SPECC1: variants seen among roughly 807,000 people sequenced by gnomAD.
SPECC1 encodes the protein sperm antigen with calponin homology and coiled-coil domains 1, also known as cytospin-B.
SPECC1 carries 62 observed loss-of-function variants against 104.1 expected under a neutral mutation model. That is an observed-to-expected ratio of 0.60 (90% CI 0.49 to 0.74). The LOEUF is 0.74. Among genes scored for constraint, SPECC1 ranks in the 30% least tolerant of loss-of-function variants. SPECC1 has a pLI of 0.00. For synonymous variants in SPECC1, 513 were observed against 501.6 expected, an observed-to-expected ratio of 1.02 and a Z score of -0.30; for missense variants, 1,306 against 1,310.5, an observed-to-expected ratio of 1.00 and a Z score of 0.05.
At chr17:20,051,068 T>TTTTCTTTCTTTCTTTCTTTCTTTC (rs71157856) in intron 1 of SPECC1, among the ~76,000 whole-genome samples, 1 of 90,696 alleles carries the variant, frequency 1.1e-5, no homozygotes, top group Non-Finnish European at 2.3e-5. Flanking sequence ...CTTTCTTTCT[T>TTTTCTTTCTTTCTTTCTTTCTTTC]TTTCTTTCTT....
At chr17:20,235,090 G>A (rs971919296) in intron 7 of SPECC1, among the ~76,000 whole-genome samples, 2 of 152,240 alleles carry the variant, frequency 1.3e-5, no homozygotes, top group Non-Finnish European at 2.9e-5. Context: ...GGTGGGAAGA[G>A]GGGGTCGTTT....
chr17:20,119,344 T>C (rs2152534386), intron 3 of SPECC1, among the ~76,000 whole-genome samples: 1 of 152,376 alleles, frequency 6.6e-6, no homozygotes, highest in South Asian at 2.1e-4. Flanking sequence ...GTGATTCTCC[T>C]GCCTCAGCCT....
intron 3 of SPECC1, among the ~76,000 whole-genome samples, chr17:20,152,262 T>G (rs2032074960): frequency 6.6e-6 from 1 of 152,172 alleles, no homozygotes; most frequent in African/African-American, 2.4e-5. Flanking sequence ...ATCACGCTAT[T>G]GCACTCCAGC....
rs758268054 is a variant in SPECC1 at position 20,314,604 on chromosome 17, C to T, written c.*539C>T. On this transcript the variant is annotated 3_prime_UTR_variant, in exon 15 of 15. Transcript: ENST00000395527. Reference sequence around the variant, plus strand: ...GCAGTGAGCTATGAGCATACCACTGCACTCCAGCCTGTGTGAAAGAGCCAG... The same window carrying T: ...GCAGTGAGCTATGAGCATACCACTGTACTCCAGCCTGTGTGAAAGAGCCAG... The T allele has an allele frequency of 2.1e-5, 5 of 234,640 alleles. No homozygotes were observed. Among genetic ancestry groups the T allele is most frequent in the African/African-American group, 4.4e-5 (2 of 45,282 alleles). The allele number at this position is 234,640 out of a possible 1,614,324, so 14.5% of individuals were successfully genotyped here. A position where few individuals can be genotyped will look rare whatever the true frequency, so the allele number is the denominator to read the frequency against.
At chr17:20,222,377 G>GTC (rs2037936974) in intron 4 of SPECC1, among the ~76,000 whole-genome samples, 1 of 152,180 alleles carries the variant, frequency 6.6e-6, no homozygotes, top group African/African-American at 2.4e-5. Context: ...CTAACATGTG[G>GTC]TCTCTCCTTG....
Position 20,226,394 on chromosome 17 carries a change from C to T in SPECC1, c.1864-1019C>T, listed in dbSNP as rs140435943. On this transcript the variant is annotated intron_variant, in intron 4 of 14. Transcript: ENST00000395527. ...CAGAATAATACAGATACAGTATAAT[C>T]CACTGCAAAAGCACAATATAGTGTA... 3.3e-3 allele frequency among the ~76,000 whole-genome samples: 509 copies of T among 152,160 alleles called. 3 individuals carry two copies. Among genetic ancestry groups the T allele is most frequent in the African/African-American group, 0.012 (483 of 41,506 alleles).
In SPECC1 at chr17:20,204,644, A is replaced by G. The variant is rs776199836; in HGVS notation, c.595A>G (p.Thr199Ala). Residue 199 changes from threonine to alanine, a missense_variant, in exon 4 of 15, where the codon ACT (threonine) becomes GCT (alanine). By Grantham distance (58) the Thr-to-Ala change is moderately conservative. Coordinates refer to ENST00000395527, the MANE Select transcript of SPECC1 (RefSeq NM_001243439.2). ...ACTAAAGAAATACAAAGAGAAAAGG[A>G]CTCTGAACGCTGAGGGGACTGATGC... ...SELKKYKEKR[T>A]LNAEGTDALG... 1.9e-5 allele frequency: 31 copies of G among 1,613,976 alleles called. No homozygotes were observed. The South Asian group carries it at 3.2e-4, about 17-fold the overall frequency.
intron 1 of SPECC1, among the ~76,000 whole-genome samples, chr17:20,034,379 G>A (rs1464857154): frequency 6.6e-6 from 1 of 152,034 alleles, no homozygotes; most frequent in African/African-American, 2.4e-5. Flanking sequence ...TTACAGGTGT[G>A]AGCCACTGCG....
chr17:20,264,265 G>A (rs1160107231), intron 12 of SPECC1, among the ~76,000 whole-genome samples: 1 of 151,506 alleles, frequency 6.6e-6, no homozygotes, highest in African/African-American at 2.4e-5. Flanking sequence ...ATAGATTCAG[G>A]GGGTGAGTGG....
At chr17:20,282,635 A>G (rs1330209523) in intron 12 of SPECC1, among the ~76,000 whole-genome samples, 1 of 152,120 alleles carries the variant, frequency 6.6e-6, no homozygotes, top group African/African-American at 2.4e-5. Flanking sequence ...CTGACTGGAA[A>G]GGTGCAATGA....
intron 12 of SPECC1, among the ~76,000 whole-genome samples, chr17:20,271,246 T>C (rs1044155568): frequency 6.6e-6 from 1 of 152,180 alleles, no homozygotes; most frequent in African/African-American, 2.4e-5. Context: ...TCTACGTTGC[T>C]GACTAGCACG....
At chr17:20,286,761 C>T (rs375252163) in intron 12 of SPECC1, among the ~76,000 whole-genome samples, 21 of 152,348 alleles carry the variant, frequency 1.4e-4, no homozygotes, top group African/African-American at 4.1e-4. Context: ...GATCTTAACC[C>T]ACCTACCTGG....
At chr17:20,110,034 C>G (rs1349293288) in intron 2 of SPECC1, among the ~76,000 whole-genome samples, 1 of 152,112 alleles carries the variant, frequency 6.6e-6, no homozygotes, top group African/African-American at 2.4e-5. Flanking sequence ...GAGACAGAGT[C>G]TCACTGTTGC....
chr17:20,198,054 A>C (rs2036153328), intron 3 of SPECC1, among the ~76,000 whole-genome samples: 1 of 152,228 alleles, frequency 6.6e-6, no homozygotes, highest in Admixed American at 6.5e-5. Context: ...GAGTGGCACT[A>C]GTGATCTGGC....
intron 3 of SPECC1, among the ~76,000 whole-genome samples, chr17:20,142,954 C>T (rs552561195): frequency 5.6e-4 from 85 of 150,550 alleles, no homozygotes; most frequent in African/African-American, 2.0e-3. Context: ...GAGCTGAGAT[C>T]GCGCCACTGT....
At chr17:20,129,433 G>A (rs369734721) in intron 3 of SPECC1, among the ~76,000 whole-genome samples, 5 of 149,430 alleles carry the variant, frequency 3.3e-5, no homozygotes, top group African/African-American at 9.9e-5. Flanking sequence ...CGTGATCTAC[G>A]CACCTCGGCC....
intron 2 of SPECC1, among the ~76,000 whole-genome samples, chr17:20,099,178 TATC>T (rs56340023): frequency 0.21 from 32,637 of 152,090 alleles, 4,531 homozygotes; most frequent in Middle Eastern, 0.35. Context: ...ATTATTCTAT[TATC>T]CTGGATTGAA....
At chr17:20,171,233 G>A (rs1225811977) in intron 3 of SPECC1, among the ~76,000 whole-genome samples, 1 of 152,158 alleles carries the variant, frequency 6.6e-6, no homozygotes, top group African/African-American at 2.4e-5. Context: ...TGAGTGAGAG[G>A]GGTATGTGGC....
intron 3 of SPECC1, among the ~76,000 whole-genome samples, chr17:20,129,234 G>C (rs887163656): frequency 1.3e-5 from 2 of 151,382 alleles, no homozygotes; most frequent in African/African-American, 4.9e-5. Context: ...CACCAGGCTG[G>C]AGTGCAGTGG....
Sources: gnomAD v4.1 joint callset for allele counts (sites outside exome capture counted in the v4.1 genomes callset) on GRCh38, gnomAD v4.1.1 for gene constraint, MANE v1.5 for transcripts, NCBI Gene and HGNC (gene_info 2026-07-23, HGNC 2026-07-21) for gene names.